Variants in WWOX observed in about 807,000 individuals in gnomAD.
The protein encoded by WWOX is WW domain-containing oxidoreductase.
Under a neutral mutation model 46.2 loss-of-function variants are expected in WWOX, and 69 were observed. The ratio of observed to expected loss-of-function variants is 1.49; its 90% CI spans 1.23 to 1.82. The LOEUF (loss-of-function observed/expected upper bound fraction) is 1.82, where lower values mean the gene tolerates loss of function less well. WWOX is among the 40% of genes most tolerant of loss of function. WWOX has a pLI of 0.00. For synonymous variants in WWOX, 359 were observed against 202.6 expected (o/e 1.77, Z -6.56); for missense variants, 919 against 542.6 (o/e 1.69, Z -6.89).
chr16:78,489,066 T>C (rs1327347810), intron 8 of WWOX, among the ~76,000 whole-genome samples: 2 of 152,212 alleles, frequency 1.3e-5, no homozygotes, highest in Admixed American at 6.5e-5. Context: ...TCAATAGTTA[T>C]CTGCTTACCT....
At chr16:78,561,349 T>C (rs2151558459) in intron 8 of WWOX, among the ~76,000 whole-genome samples, 1 of 152,338 alleles carries the variant, frequency 6.6e-6, no homozygotes, top group African/African-American at 2.4e-5. Flanking sequence ...CTGCTTTGAA[T>C]CTCTCTGACT....
At chr16:78,696,356 T>G (rs748467789) in intron 8 of WWOX, among the ~76,000 whole-genome samples, 6 of 152,234 alleles carry the variant, frequency 3.9e-5, no homozygotes, top group African/African-American at 7.2e-5. Flanking sequence ...CTAAGTGACT[T>G]CAGACTCTAT....
chr16:78,820,998 G>A (rs762054947), intron 8 of WWOX, among the ~76,000 whole-genome samples: 3 of 152,152 alleles, frequency 2.0e-5, no homozygotes, highest in African/African-American at 4.8e-5. Flanking sequence ...CCACCTAATT[G>A]AGTATGATCT....
chr16:78,834,449 A>T (rs563558146), intron 8 of WWOX, among the ~76,000 whole-genome samples: 1 of 152,310 alleles, frequency 6.6e-6, no homozygotes, highest in Non-Finnish European at 1.5e-5. Context: ...AAGTAAACCA[A>T]AATTTATTGA....
At chr16:78,921,453 T>C (rs7188134) in intron 8 of WWOX, among the ~76,000 whole-genome samples, 20,223 of 152,228 alleles carry the variant, frequency 0.13, 1,673 homozygotes, top group African/African-American at 0.22. Flanking sequence ...AAAATCATAG[T>C]AACAACAGCT....
At chr16:78,483,304 G>T (rs563900909) in intron 8 of WWOX, among the ~76,000 whole-genome samples, 23 of 152,082 alleles carry the variant, frequency 1.5e-4, no homozygotes, top group Middle Eastern at 3.4e-3. Context: ...GGAAGAGACG[G>T]GTCTCAGTGA....
chr16:79,151,587 C>T (rs2050280184), intron 8 of WWOX, among the ~76,000 whole-genome samples: 1 of 152,216 alleles, frequency 6.6e-6, no homozygotes. Flanking sequence ...GAGACCTCAC[C>T]CTCTGCTTAT....
rs1018791788 is a variant in WWOX at position 78,564,054 on chromosome 16, C to A, written c.1056+131302C>A. Among the ~76,000 whole-genome samples, 3 of 152,206 alleles carry A rather than the reference C, an allele frequency of 2.0e-5. No homozygotes were observed. In the East Asian group the frequency reaches 5.8e-4, roughly 29 times the overall value. On this transcript the variant is annotated intron_variant, in intron 8 of 8. Coordinates refer to ENST00000566780, the MANE Select transcript of WWOX (RefSeq NM_016373.4). ...GGCTAGCCTTCTGGGCGATGAGAGACACAAGACCATGTTTCCATATTGCCC... is the reference window on the plus strand; with the variant it reads ...GGCTAGCCTTCTGGGCGATGAGAGAAACAAGACCATGTTTCCATATTGCCC...
intron 8 of WWOX, among the ~76,000 whole-genome samples, chr16:78,653,150 A>G (rs888423077): frequency 8.5e-5 from 13 of 152,084 alleles, no homozygotes; most frequent in African/African-American, 2.9e-4. Context: ...AGGCACATAG[A>G]TATATAATTA....
At chr16:78,587,969 C>G (rs2045258120) in intron 8 of WWOX, among the ~76,000 whole-genome samples, 1 of 152,178 alleles carries the variant, frequency 6.6e-6, no homozygotes, top group Non-Finnish European at 1.5e-5. Flanking sequence ...AGGGACTTCA[C>G]CTGGTCTTTT....
intron 5 of WWOX, among the ~76,000 whole-genome samples, chr16:78,205,908 CTTCCT>C (rs1462429969): frequency 6.6e-6 from 1 of 151,080 alleles, no homozygotes; most frequent in Non-Finnish European, 1.5e-5. Flanking sequence ...TTCCTCCTGT[CTTCCT>C]TTCCTTTCCT....
chr16:78,165,026 G>C (rs1000158889), intron 5 of WWOX, among the ~76,000 whole-genome samples: 3 of 152,190 alleles, frequency 2.0e-5, no homozygotes, highest in African/African-American at 7.2e-5. Flanking sequence ...CATATGCTAA[G>C]GCTCAGAGGT....
chr16:78,637,337 A>G (rs746755042), intron 8 of WWOX, among the ~76,000 whole-genome samples: 1 of 151,918 alleles, frequency 6.6e-6, no homozygotes, highest in Non-Finnish European at 1.5e-5. Context: ...AGCTACTTGG[A>G]GGCTGATGCA....
At chr16:78,640,699 G>A (rs1001341436) in intron 8 of WWOX, among the ~76,000 whole-genome samples, 5 of 152,174 alleles carry the variant, frequency 3.3e-5, no homozygotes, top group Non-Finnish European at 5.9e-5. Context: ...AACATTTTGG[G>A]AGGTCGAGGC....
At chr16:79,083,439 G>T (rs1267078375) in intron 8 of WWOX, among the ~76,000 whole-genome samples, 2 of 152,102 alleles carry the variant, frequency 1.3e-5, no homozygotes, top group African/African-American at 4.8e-5. Flanking sequence ...CTAATGTCAA[G>T]AACAAAGCTG....
At chr16:78,628,290 T>G (rs913176559) in intron 8 of WWOX, among the ~76,000 whole-genome samples, 1 of 152,182 alleles carries the variant, frequency 6.6e-6, no homozygotes, top group Non-Finnish European at 1.5e-5. Context: ...TTCCTGAAGT[T>G]TCCCTTTCTT....
At chr16:78,785,902 T>G (rs8056325) in intron 8 of WWOX, among the ~76,000 whole-genome samples, 1 of 152,042 alleles carries the variant, frequency 6.6e-6, no homozygotes, top group Non-Finnish European at 1.5e-5. Context: ...TTAATATTTC[T>G]TTTTTATTTT....
At chr16:78,579,579 C>CA (rs1242500573) in intron 8 of WWOX, among the ~76,000 whole-genome samples, 1 of 152,006 alleles carries the variant, frequency 6.6e-6, no homozygotes, top group Non-Finnish European at 1.5e-5. Context: ...AAGTGGCTTT[C>CA]TAATTAAGAA....
rs75919898 is a variant in WWOX, at chr16:78,584,254, T to G, written c.1056+151502T>G. Among the ~76,000 whole-genome samples the G allele has an allele frequency of 4.4e-3, 669 of 152,312 alleles. 7 individuals carry two copies. The highest frequency in any genetic ancestry group is 0.015 in the African/African-American group (643 of 41,560). The stretch of plus-strand genomic sequence containing the variant: ...TGCCATATACAGTTATGTAAAACAT[T>G]GTAAGAAGTGCTTTACATCAGTTAT... On this transcript the variant is annotated intron_variant, in intron 8 of 8. Coordinates refer to ENST00000566780, the MANE Select transcript of WWOX (RefSeq NM_016373.4).
Sources: gnomAD v4.1 joint callset for allele counts (sites outside exome capture counted in the v4.1 genomes callset) on GRCh38, gnomAD v4.1.1 for gene constraint, MANE v1.5 for transcripts, NCBI Gene and HGNC (gene_info 2026-07-23, HGNC 2026-07-21) for gene names.